Variants in NOL4L observed in about 807,000 individuals in gnomAD.
The protein encoded by NOL4L is nucleolar protein 4-like.
A neutral mutation model predicts 64.5 loss-of-function variants in NOL4L; 7 were observed. That is an observed-to-expected ratio of 0.11 (90% CI 0.06 to 0.20). The LOEUF (loss-of-function observed/expected upper bound fraction) is 0.20. Ranked by LOEUF, NOL4L falls within the 10% of genes least tolerant of loss-of-function variation. The probability of loss-of-function intolerance (pLI) is 1.00; values close to 1 mark genes in which losing one functional copy is unlikely to be tolerated. For synonymous variants in NOL4L, 413 were observed against 401.0 expected, an observed-to-expected ratio of 1.03 and a Z score of -0.36; for missense variants, 680 against 967.1, an observed-to-expected ratio of 0.70 and a Z score of 3.94.
intron 1 of NOL4L, among the ~76,000 whole-genome samples, chr20:32,542,274 G>A (rs2018668254): frequency 6.6e-6 from 1 of 152,230 alleles, no homozygotes; most frequent in African/African-American, 2.4e-5. Context: ...ACAATGGCCA[G>A]TACAGCATGA....
intron 6 of NOL4L, 120 bp downstream of exon 6, chr20:32,455,998 C>T (rs1280873882): frequency 1.7e-5 from 19 of 1,109,842 alleles, no homozygotes; most frequent in Non-Finnish European, 2.3e-5. Context: ...AGCCACCACC[C>T]TGGCTCGGTG....
intron 1 of NOL4L, among the ~76,000 whole-genome samples, chr20:32,529,062 G>A (rs2018249168): frequency 6.6e-6 from 1 of 152,228 alleles, no homozygotes; most frequent in South Asian, 2.1e-4. Flanking sequence ...ACACATAGTA[G>A]GTAGTCAGTA....
rs1418584899 is a variant in NOL4L at position 32,447,512 on chromosome 20, T to C, written c.*84A>G. ...GATCCCACCTCTTTCAAAAACAAAA[T>C]GTACCAACTGGTGAGGCAGGAAGCC... On this transcript the variant is annotated 3_prime_UTR_variant, in exon 11 of 11. Transcript: ENST00000621426. 1.4e-5 allele frequency: 21 copies of C among 1,470,176 alleles called. No individual in the cohort carries two copies. Among genetic ancestry groups the C allele is most frequent in the Non-Finnish European group, 1.9e-5 (21 of 1,119,722 alleles). 91.1% of individuals were successfully genotyped at this position (1,470,176 alleles called of 1,614,324 possible).
At chr20:32,447,851 C>T (rs2012451663) in intron 10 of NOL4L, 35 bp from the exon 11 acceptor site, 1 of 1,516,918 alleles carries the variant, frequency 6.6e-7, no homozygotes, top group Non-Finnish European at 8.8e-7. Flanking sequence ...AAGGGAGCAG[C>T]CACCCTGCCT....
intron 3 of NOL4L, among the ~76,000 whole-genome samples, chr20:32,511,931 A>C (rs1255736704): frequency 6.6e-6 from 1 of 152,172 alleles, no homozygotes; most frequent in Non-Finnish European, 1.5e-5. Context: ...GCTTGAGGCC[A>C]GGTGGTCAAG....
intron 1 of NOL4L, among the ~76,000 whole-genome samples, chr20:32,554,626 C>T (rs1396175729): frequency 6.6e-6 from 1 of 152,152 alleles, no homozygotes; most frequent in African/African-American, 2.4e-5. Context: ...CAGGCACCCT[C>T]TCCTGGGAAA....
At chr20:32,488,842 T>C (rs982657426) in intron 4 of NOL4L, among the ~76,000 whole-genome samples, 922 of 83,448 alleles carry the variant, frequency 0.011, 57 homozygotes, top group African/African-American at 0.042. Flanking sequence ...TTTCTTTCTT[T>C]CTTTCTTTCT....
In NOL4L at chr20:32,585,147, TC is replaced by T; in HGVS notation, c.-258del. The T allele has an allele frequency of 1.4e-5, 2 of 145,214 alleles. No individual in the cohort carries two copies. Among genetic ancestry groups the T allele is most frequent in the Non-Finnish European group, 3.0e-5 (2 of 66,492 alleles). The allele number at this position is 145,214 out of a possible 1,614,324, so 9.0% of individuals were successfully genotyped here. A position where few individuals can be genotyped will look rare whatever the true frequency, so the allele number is the denominator to read the frequency against. Reference sequence around the variant, plus strand: ...GCTCGCCTCCTGCTCCGCCTCCTCCTCCCCCCGGCCGGGATGCAGGAGCGAT... The same window carrying T: ...GCTCGCCTCCTGCTCCGCCTCCTCCTCCCCCGGCCGGGATGCAGGAGCGAT... On this transcript the variant is annotated 5_prime_UTR_variant, in exon 1 of 11. Coordinates refer to ENST00000621426, the MANE Select transcript of NOL4L (RefSeq NM_001256798.2).
chr20:32,494,252 G>GAAAAAAAAAAAAAAAAAAAAAA (rs1568654908), intron 4 of NOL4L, among the ~76,000 whole-genome samples: 5 of 27,098 alleles, frequency 1.8e-4, no homozygotes, highest in African/African-American at 7.7e-4. Context: ...GATAATCTCG[G>GAAAAAAAAAAAAAAAAAAAAAA]GAAAAAAAAA....
At chr20:32,461,817 T>C (rs938864689) in intron 5 of NOL4L, among the ~76,000 whole-genome samples, 23 of 150,462 alleles carry the variant, frequency 1.5e-4, no homozygotes, top group Non-Finnish European at 3.1e-4. Flanking sequence ...AATACTACTG[T>C]GTTTATTGTG....
intron 1 of NOL4L, among the ~76,000 whole-genome samples, chr20:32,562,803 C>T (rs1979115237): frequency 6.6e-6 from 1 of 151,184 alleles, no homozygotes; most frequent in South Asian, 2.1e-4. Flanking sequence ...GCAGGAGGGG[C>T]CTTTCCCTGA....
Position 32,453,507 on chromosome 20 carries a change from C to G in NOL4L, c.1306-12G>C. 6.2e-7 allele frequency: 1 copy of G among 1,613,514 alleles called. No homozygotes were observed. The highest frequency in any genetic ancestry group is 1.1e-5 in the South Asian group (1 of 91,080). On this transcript the variant is annotated splice_polypyrimidine_tract_variant and intron_variant, in intron 7 of 10. Coordinates refer to ENST00000621426, the MANE Select transcript of NOL4L (RefSeq NM_001256798.2). The surrounding 1 kb of genome is among the most constrained non-coding windows in gnomAD (Gnocchi z 5.6). Reference sequence around the variant, plus strand: ...AGACGCACAAACATCTGTGGAGACACGGGCCATGGGAAGGGCTGGCCCTGG... The same window carrying G: ...AGACGCACAAACATCTGTGGAGACAGGGGCCATGGGAAGGGCTGGCCCTGG...
Position 32,558,955 on chromosome 20 carries a change from C to G in NOL4L, c.321+25615G>C, listed in dbSNP as rs937424486. Among the ~76,000 whole-genome samples the G allele has an allele frequency of 5.9e-5, 9 of 152,236 alleles. 1 individual carries two copies. In the South Asian group the frequency reaches 1.7e-3, roughly 28 times the overall value. On this transcript the variant is annotated intron_variant, in intron 1 of 10. Transcript: ENST00000621426. ...GAGAACCAGTGCAAGGGAAGGTGAGCCGATTGCAGATGGAAAAAGTATATT... is the reference window on the plus strand; with the variant it reads ...GAGAACCAGTGCAAGGGAAGGTGAGGCGATTGCAGATGGAAAAAGTATATT...
intron 4 of NOL4L, among the ~76,000 whole-genome samples, chr20:32,506,164 T>C (rs1344209405): frequency 6.6e-6 from 1 of 152,178 alleles, no homozygotes; most frequent in Non-Finnish European, 1.5e-5. Context: ...GCTGGAAATC[T>C]GAACCTTGAT....
chr20:32,555,982 G>A (rs1050701890), intron 1 of NOL4L, among the ~76,000 whole-genome samples: 3 of 152,136 alleles, frequency 2.0e-5, no homozygotes, highest in African/African-American at 7.2e-5. Flanking sequence ...CATGACCACA[G>A]TATTCTGCGT....
intron 1 of NOL4L, among the ~76,000 whole-genome samples, chr20:32,547,681 G>A (rs367872052): frequency 6.6e-6 from 1 of 152,136 alleles, no homozygotes; most frequent in Non-Finnish European, 1.5e-5. Flanking sequence ...GTTGCAGGTG[G>A]GGACATGCTG....
chr20:32,554,214 G>C (rs1484193654), intron 1 of NOL4L, among the ~76,000 whole-genome samples: 1 of 151,610 alleles, frequency 6.6e-6, no homozygotes, highest in African/African-American at 2.4e-5. Flanking sequence ...CCAGCTACTC[G>C]GGAGGCTGAG....
chr20:32,543,618 CAA>C (rs951409926), intron 1 of NOL4L, among the ~76,000 whole-genome samples: 1 of 133,584 alleles, frequency 7.5e-6, no homozygotes, highest in Non-Finnish European at 1.6e-5. Context: ...GACTCTGTCA[CAA>C]AAAAAAAAAG....
chr20:32,453,185 T>A lies in NOL4L; in HGVS notation c.1497+119A>T. On this transcript the variant is annotated intron_variant, in intron 8 of 10. Coordinates refer to ENST00000621426, the MANE Select transcript of NOL4L (RefSeq NM_001256798.2). The surrounding 1 kb of genome is among the most constrained non-coding windows in gnomAD (Gnocchi z 5.6). ...CTCATTTGCAAACCAGGGATTATGG[T>A]ACTTGCTTCCAGGGCTCCTGGGAAG... 4 of 1,418,784 alleles carry A rather than the reference T, an allele frequency of 2.8e-6. No homozygotes were observed. The highest frequency in any genetic ancestry group is 3.8e-6 in the Non-Finnish European group (4 of 1,046,102). The allele number at this position is 1,418,784 out of a possible 1,614,324, so 87.9% of individuals were successfully genotyped here. A position where few individuals can be genotyped will look rare whatever the true frequency, so the allele number is the denominator to read the frequency against.
Sources: gnomAD v4.1 joint callset for allele counts (sites outside exome capture counted in the v4.1 genomes callset) on GRCh38, gnomAD v4.1.1 for gene constraint, Gnocchi (gnomAD v3.1) non-coding constraint, MANE v1.5 for transcripts, NCBI Gene and HGNC (gene_info 2026-07-23, HGNC 2026-07-21) for gene names.